FAM149A: variants seen among roughly 807,000 people sequenced by gnomAD.
FAM149A encodes the protein family with sequence similarity 149 member A.
In FAM149A, 71 loss-of-function variants were observed where a neutral mutation model predicts 78.2. The ratio of observed to expected loss-of-function variants is 0.91; its 90% CI spans 0.75 to 1.11. The LOEUF (loss-of-function observed/expected upper bound fraction) is 1.11. Among genes scored for constraint, FAM149A ranks in the 50% least tolerant of loss-of-function variants. The pLI, the probability that FAM149A is intolerant of heterozygous loss-of-function variation, is 0.00. For missense variants in FAM149A, 1,036 were observed against 971.0 expected (o/e 1.07, Z -0.89); for synonymous variants, 446 against 410.5 (o/e 1.09, Z -1.04).
At position 186,104,950 on chromosome 4, in the gene FAM149A, C is replaced by A. The variant is rs1254739973; in HGVS notation, c.-127C>A. On this transcript the variant is annotated 5_prime_UTR_variant, in exon 1 of 14. Coordinates refer to ENST00000389354, the MANE Select transcript of FAM149A (RefSeq NM_001367768.3). ...GAGCGTCCTCGGGGAGGAGAGGGAG[C>A]CAGGGGCCTCCGGGGCTCCGGGTGC... The A allele has an allele frequency of 8.6e-7, 1 of 1,168,786 alleles. No homozygotes were observed. The highest frequency in any genetic ancestry group is 1.7e-5 in the African/African-American group (1 of 58,872). 72.4% of individuals were successfully genotyped at this position (1,168,786 alleles called of 1,614,324 possible).
At chr4:186,125,162 A>G (rs570708960) in intron 1 of FAM149A, 5 of 680,920 alleles carry the variant, frequency 7.3e-6, no homozygotes, top group African/African-American at 1.9e-5. Flanking sequence ...ATACAAGTCA[A>G]TGACTGGACT....
rs1230891121 is a variant in FAM149A, at chr4:186,149,192, C to T, written c.586C>T (p.Arg196Cys). 22 of 1,288,358 alleles carry T rather than the reference C, an allele frequency of 1.7e-5. No individual in the cohort carries two copies. The highest frequency in any genetic ancestry group is 4.6e-5 in the Admixed American group (2 of 43,350). The allele number at this position is 1,288,358 out of a possible 1,614,324, so 79.8% of individuals were successfully genotyped here. A position where few individuals can be genotyped will look rare whatever the true frequency, so the allele number is the denominator to read the frequency against. The change falls in exon 2 of 14, where the codon CGT (arginine) becomes TGT (cysteine). Residue 196 changes from arginine (R) to cysteine (C), a missense_variant. Physicochemically the swap from Arg to Cys is radical, Grantham distance 180. This residue lies in a region of FAM149A where 4 missense variants were observed against 17.3 expected (regional missense o/e 0.23). Coordinates refer to ENST00000389354, the MANE Select transcript of FAM149A (RefSeq NM_001367768.3). ...TTCCAGAAGAGGACTGTCAGAAGGACGTAGAAGGCACGGTTTTACTGTGAG... is the reference window on the plus strand; with the variant it reads ...TTCCAGAAGAGGACTGTCAGAAGGATGTAGAAGGCACGGTTTTACTGTGAG...
At chr4:186,161,981 A>G (rs1026903281) in intron 8 of FAM149A, among the ~76,000 whole-genome samples, 1 of 152,232 alleles carries the variant, frequency 6.6e-6, no homozygotes, top group Non-Finnish European at 1.5e-5. Flanking sequence ...TACATGTGCC[A>G]TGGTGGTTTG....
At chr4:186,120,727 G>A (rs2099315645) in intron 1 of FAM149A, among the ~76,000 whole-genome samples, 1 of 141,982 alleles carries the variant, frequency 7.0e-6, no homozygotes, top group Non-Finnish European at 1.5e-5. Context: ...CAGGGAGGTG[G>A]AGCTTGCAGT....
Position 186,155,981 on chromosome 4 carries a change from A to C in FAM149A, c.1230-19A>C. 8 of 1,602,236 alleles carry C rather than the reference A, an allele frequency of 5.0e-6. No homozygotes were observed. The highest frequency in any genetic ancestry group is 6.8e-6 in the Non-Finnish European group (8 of 1,173,592). On this transcript the variant is annotated intron_variant, in intron 6 of 13. Transcript: ENST00000389354. ...TAAGCATTGATCTTTTAGTAATTGG[A>C]GTGGGTTTTTATTCTTAGTGATGAT...
chr4:186,130,634 C>T (rs1234777771), intron 1 of FAM149A, among the ~76,000 whole-genome samples: 1 of 151,864 alleles, frequency 6.6e-6, no homozygotes, highest in Non-Finnish European at 1.5e-5. Context: ...GCTGGGACTA[C>T]AGGCATGAGC....
intron 1 of FAM149A, among the ~76,000 whole-genome samples, chr4:186,129,284 C>A (rs1561392270): frequency 6.6e-6 from 1 of 151,964 alleles, no homozygotes; most frequent in East Asian, 1.9e-4. Flanking sequence ...TGTTTTTGCT[C>A]CACACTGACC....
Position 186,149,029 on chromosome 4 carries a change from T to C in FAM149A, c.567-144T>C, listed in dbSNP as rs11936810. On this transcript the variant is annotated intron_variant, in intron 1 of 13. Transcript: ENST00000389354. ...GTGTGTGTGTGTGTGTGTGTGTGTGTGTGCGCTCATGCACAGGTGGGTTTG... is the reference window on the plus strand; with the variant it reads ...GTGTGTGTGTGTGTGTGTGTGTGTGCGTGCGCTCATGCACAGGTGGGTTTG... 7.5e-4 allele frequency: 237 copies of C among 316,842 alleles called. 1 individual carries two copies. Among genetic ancestry groups the C allele is most frequent in the African/African-American group, 5.5e-3 (215 of 38,810 alleles). The allele number at this position is 316,842 out of a possible 1,614,324, so 19.6% of individuals were successfully genotyped here. A position where few individuals can be genotyped will look rare whatever the true frequency, so the allele number is the denominator to read the frequency against.
intron 3 of FAM149A, among the ~76,000 whole-genome samples, chr4:186,150,299 T>C (rs544127741): frequency 6.6e-6 from 1 of 151,602 alleles, no homozygotes; most frequent in South Asian, 2.1e-4. Context: ...CCCTCCTTTT[T>C]AAGGCCCACC....
chr4:186,157,164 C>T (rs1244421850), intron 7 of FAM149A, among the ~76,000 whole-genome samples: 5 of 126,570 alleles, frequency 4.0e-5, no homozygotes, highest in South Asian at 2.7e-4. Flanking sequence ...CTCTTACATA[C>T]AAAATATTCT....
chr4:186,126,158 A>G (rs936148292), intron 1 of FAM149A: 19 of 932,214 alleles, frequency 2.0e-5, no homozygotes, highest in Middle Eastern at 5.4e-4. Flanking sequence ...TGTCCATACT[A>G]CTCATTACTA....
At chr4:186,167,635 A>G (rs1735173876) in intron 13 of FAM149A, 5 of 301,912 alleles carry the variant, frequency 1.7e-5, no homozygotes, top group Non-Finnish European at 3.3e-5. Flanking sequence ...ATCTGATGAT[A>G]AAAATGCTTG....
At chr4:186,113,488 G>T (rs1329584366) in intron 1 of FAM149A, among the ~76,000 whole-genome samples, 1 of 90,750 alleles carries the variant, frequency 1.1e-5, no homozygotes, top group African/African-American at 4.3e-5. Flanking sequence ...GTGATGTTAG[G>T]GTGTCAATTT....
chr4:186,151,015 C>T (rs886069469), intron 3 of FAM149A: 2 of 985,318 alleles, frequency 2.0e-6, no homozygotes, highest in Non-Finnish European at 2.4e-6. Flanking sequence ...TCTTTGCTTT[C>T]TTTAAAAGTG....
chr4:186,111,533 A>G (rs1486044361), intron 1 of FAM149A, among the ~76,000 whole-genome samples: 1 of 151,998 alleles, frequency 6.6e-6, no homozygotes, highest in Non-Finnish European at 1.5e-5. Context: ...TTTTAGGTCT[A>G]ACGTTTAAGT....
intron 3 of FAM149A, among the ~76,000 whole-genome samples, chr4:186,151,337 G>C (rs1037761993): frequency 6.6e-6 from 1 of 152,106 alleles, no homozygotes; most frequent in Admixed American, 6.5e-5. Flanking sequence ...AGGGAAATTC[G>C]TATAACTTCC....
At chr4:186,117,437 A>T in intron 1 of FAM149A, 1 of 984,694 alleles carries the variant, frequency 1.0e-6, no homozygotes, top group Middle Eastern at 5.2e-4. Context: ...CACTGCTGTG[A>T]GCACACAGCT....
chr4:186,145,901 G>A (rs1733001293), intron 1 of FAM149A, among the ~76,000 whole-genome samples: 2 of 151,976 alleles, frequency 1.3e-5, no homozygotes, highest in African/African-American at 4.8e-5. Context: ...TAGTTTATAG[G>A]GGATTAAAGA....
intron 13 of FAM149A, chr4:186,169,538 A>G (rs1048675730): frequency 1.0e-6 from 1 of 985,406 alleles, no homozygotes; most frequent in Non-Finnish European, 1.2e-6. Context: ...CACTCTGTCA[A>G]CGTCAGCCCA....
Sources: allele counts gnomAD v4.1 joint callset (sites outside exome capture counted in the v4.1 genomes callset), GRCh38; gene constraint gnomAD v4.1.1; regional missense constraint gnomAD v4.1.1; transcripts MANE v1.5; gene names NCBI Gene and HGNC (gene_info 2026-07-23, HGNC 2026-07-21).